The following CAMKMT variants were observed in gnomAD, a reference collection of about 807,000 sequenced individuals.
CAMKMT encodes CaM KMT.
CAMKMT carries 53 observed loss-of-function variants against 48.0 expected under a neutral mutation model. The observed-to-expected ratio is 1.10, with a 90% confidence interval of 0.89 to 1.39. The LOEUF is 1.39. Among genes scored for constraint, CAMKMT ranks in the 40% most tolerant of loss-of-function variants. The pLI, the probability that CAMKMT is intolerant of heterozygous loss-of-function variation, is 0.00. For synonymous variants in CAMKMT, 165 were observed against 152.3 expected, an observed-to-expected ratio of 1.08 and a Z score of -0.61; for missense variants, 428 against 402.7, an observed-to-expected ratio of 1.06 and a Z score of -0.54.
chr2:44,421,987 C>A (rs1350437234), intron 3 of CAMKMT, among the ~76,000 whole-genome samples: 2 of 152,126 alleles, frequency 1.3e-5, no homozygotes, highest in Admixed American at 1.3e-4. Flanking sequence ...GCAGGCTAGG[C>A]CCAGGAACCT....
intron 3 of CAMKMT, among the ~76,000 whole-genome samples, chr2:44,539,184 A>G (rs1334929169): frequency 1.3e-5 from 2 of 151,188 alleles, no homozygotes; most frequent in Non-Finnish European, 2.9e-5. Context: ...GGATGCCTGT[A>G]ATCCCAGCTA....
At chr2:44,763,373 G>T (rs1040516643) in intron 9 of CAMKMT, among the ~76,000 whole-genome samples, 2 of 152,126 alleles carry the variant, frequency 1.3e-5, no homozygotes, top group African/African-American at 4.8e-5. Flanking sequence ...CTTTTCAAAG[G>T]AATAAGCAAT....
At chr2:44,713,477 C>T (rs769246032) in intron 6 of CAMKMT, among the ~76,000 whole-genome samples, 7 of 152,170 alleles carry the variant, frequency 4.6e-5, no homozygotes, top group Admixed American at 1.3e-4. Context: ...TTCTGCAAGA[C>T]ATTTCATTTA....
intron 3 of CAMKMT, among the ~76,000 whole-genome samples, chr2:44,694,816 T>C (rs113741840): frequency 1.2e-4 from 18 of 152,318 alleles, no homozygotes; most frequent in African/African-American, 4.3e-4. Context: ...TGACCATAGA[T>C]ATGCAAGTAT....
intron 8 of CAMKMT, among the ~76,000 whole-genome samples, chr2:44,747,163 C>A (rs532259845): frequency 6.6e-6 from 1 of 152,282 alleles, no homozygotes; most frequent in East Asian, 1.9e-4. Flanking sequence ...CCTGTAGCAA[C>A]CCACCCCGAT....
intron 3 of CAMKMT, among the ~76,000 whole-genome samples, chr2:44,546,555 C>T (rs1216500426): frequency 6.6e-6 from 1 of 152,212 alleles, no homozygotes; most frequent in East Asian, 1.9e-4. Flanking sequence ...TGCAGCACTG[C>T]ACTCTTGTGT....
intron 3 of CAMKMT, among the ~76,000 whole-genome samples, chr2:44,523,709 T>C (rs1489041469): frequency 6.6e-6 from 1 of 151,544 alleles, no homozygotes; most frequent in Non-Finnish European, 1.5e-5. Context: ...ATGACCTCTA[T>C]GGGGCTTGGA....
chr2:44,534,837 C>G (rs562395316), intron 3 of CAMKMT, among the ~76,000 whole-genome samples: 1 of 147,792 alleles, frequency 6.8e-6, no homozygotes, highest in East Asian at 2.0e-4. Flanking sequence ...CAAGAACAAA[C>G]CGAACCTAAA....
At chr2:44,556,289 C>T (rs1667998639) in intron 3 of CAMKMT, among the ~76,000 whole-genome samples, 1 of 151,850 alleles carries the variant, frequency 6.6e-6, no homozygotes, top group Admixed American at 6.6e-5. Flanking sequence ...CAGGTGGCTG[C>T]CACCACACCT....
chr2:44,497,518 AC>A (rs1420721737), intron 3 of CAMKMT, among the ~76,000 whole-genome samples: 3 of 152,268 alleles, frequency 2.0e-5, no homozygotes, highest in Admixed American at 1.3e-4. Flanking sequence ...TAGTAAAAAA[AC>A]AAACATATTT....
chr2:44,682,419 A>T (rs1254590824), intron 3 of CAMKMT, among the ~76,000 whole-genome samples: 1 of 152,144 alleles, frequency 6.6e-6, no homozygotes, highest in Non-Finnish European at 1.5e-5. Context: ...CAGGACTGTA[A>T]TTTTAAACCC....
chr2:44,420,353 C>A (rs1451803443), intron 3 of CAMKMT, among the ~76,000 whole-genome samples: 2 of 152,046 alleles, frequency 1.3e-5, no homozygotes, highest in Admixed American at 6.6e-5. Context: ...CAATACTTTT[C>A]TCTACATTGC....
At chr2:44,614,872 C>T (rs1043707944) in intron 3 of CAMKMT, among the ~76,000 whole-genome samples, 2 of 151,370 alleles carry the variant, frequency 1.3e-5, no homozygotes, top group Admixed American at 1.3e-4. Context: ...ACTACTGTCC[C>T]GTGCACCACC....
At chr2:44,767,049 G>A (rs956525137) in intron 10 of CAMKMT, among the ~76,000 whole-genome samples, 2 of 152,148 alleles carry the variant, frequency 1.3e-5, no homozygotes, top group Non-Finnish European at 2.9e-5. Context: ...CACAGTTGTG[G>A]GGTTATATGT....
rs1052923675 is a variant in CAMKMT at position 44,584,759 on chromosome 2, T to C, written c.377-119524T>C. On this transcript the variant is annotated intron_variant, in intron 3 of 10. Transcript: ENST00000378494. ...AAATTGGGTGTCTGCATGAAATAATTAAAAAAAATAGTAGGCCGGGTGCGG... is the reference window on the plus strand; with the variant it reads ...AAATTGGGTGTCTGCATGAAATAATCAAAAAAAATAGTAGGCCGGGTGCGG... Among the ~76,000 whole-genome samples, 6 of 151,708 alleles carry C rather than the reference T, an allele frequency of 4.0e-5. 1 individual carries two copies. Among genetic ancestry groups the C allele is most frequent in the African/African-American group, 1.2e-4 (5 of 41,392 alleles).
intron 3 of CAMKMT, among the ~76,000 whole-genome samples, chr2:44,693,489 T>C (rs1004746099): frequency 3.3e-5 from 5 of 152,236 alleles, no homozygotes; most frequent in Admixed American, 3.3e-4. Flanking sequence ...GTGGACCACT[T>C]CTTCCACTTT....
In CAMKMT at chr2:44,653,996, C is replaced by T. The variant is rs937579285; in HGVS notation, c.377-50287C>T. Among the ~76,000 whole-genome samples the T allele has an allele frequency of 5.3e-5, 8 of 152,008 alleles. No homozygotes were observed. The highest frequency in any genetic ancestry group is 1.9e-4 in the African/African-American group (8 of 41,366). ...TTGAATTAAAATTTTCTTAGTTTGC[C>T]GTGTATTTTAATTGACTCTGGACAA... On this transcript the variant is annotated intron_variant, in intron 3 of 10. Transcript: ENST00000378494. This position sits in a 1 kb window ranked among gnomAD's most constrained non-coding sequence, Gnocchi z 5.2.
chr2:44,371,401 G>A (rs1679169254), intron 1 of CAMKMT, among the ~76,000 whole-genome samples: 1 of 152,208 alleles, frequency 6.6e-6, no homozygotes, highest in Non-Finnish European at 1.5e-5. Context: ...TTACAGACAT[G>A]AGCCACTGCA....
intron 3 of CAMKMT, among the ~76,000 whole-genome samples, chr2:44,479,124 G>C (rs1211909155): frequency 6.6e-6 from 1 of 152,086 alleles, no homozygotes; most frequent in Non-Finnish European, 1.5e-5. Context: ...CTTAATATTA[G>C]TTACCTAAGA....
Sources: allele counts gnomAD v4.1 joint callset (sites outside exome capture counted in the v4.1 genomes callset), GRCh38; gene constraint gnomAD v4.1.1; non-coding constraint Gnocchi (gnomAD v3.1); transcripts MANE v1.5; gene names NCBI Gene and HGNC (gene_info 2026-07-23, HGNC 2026-07-21).